The following TMTC1 variants were observed in gnomAD, a reference collection of about 807,000 sequenced individuals.
The protein encoded by TMTC1 is protein O-mannosyl-transferase TMTC1.
A neutral mutation model predicts 104.8 loss-of-function variants in TMTC1; 73 were observed. The observed-to-expected ratio is 0.70, with a 90% confidence interval of 0.58 to 0.85. TMTC1 has a LOEUF of 0.85. TMTC1 is among the 40% of genes least tolerant of loss of function. The pLI is 0.00. For synonymous variants in TMTC1, 434 were observed against 428.7 expected (o/e 1.01, Z -0.15); for missense variants, 1,035 against 1,096.1 (o/e 0.94, Z 0.79).
At chr12:29,740,766 C>T (rs1942804230) in intron 5 of TMTC1, among the ~76,000 whole-genome samples, 1 of 151,984 alleles carries the variant, frequency 6.6e-6, no homozygotes, top group Non-Finnish European at 1.5e-5. Flanking sequence ...GCCACTATGC[C>T]CGGCCCAAGT....
chr12:29,752,540 C>T (rs144255751), intron 4 of TMTC1, among the ~76,000 whole-genome samples: 38 of 152,216 alleles, frequency 2.5e-4, no homozygotes, highest in African/African-American at 9.2e-4. Flanking sequence ...CACGTATTTG[C>T]ACAAGAATAT....
At chr12:29,738,861 C>G (rs1942751727) in intron 5 of TMTC1, among the ~76,000 whole-genome samples, 1 of 152,112 alleles carries the variant, frequency 6.6e-6, no homozygotes, top group Non-Finnish European at 1.5e-5. Context: ...CAAATGCACT[C>G]AAGGCTCCTG....
rs991830840 is a variant in TMTC1 at position 29,506,000 on chromosome 12, T to A, written c.*846A>T. On this transcript the variant is annotated 3_prime_UTR_variant, in exon 18 of 18. Transcript: ENST00000539277. ...CATTTCTCTTAGTTAATATCTTTAATTTTTTATGTAGAATATACTATTTTT... is the reference window on the plus strand; with the variant it reads ...CATTTCTCTTAGTTAATATCTTTAAATTTTTATGTAGAATATACTATTTTT... 16 of 152,148 alleles carry A rather than the reference T, an allele frequency of 1.1e-4. No homozygotes were observed. The highest frequency in any genetic ancestry group is 2.1e-4 in the South Asian group (1 of 4,832). The allele number at this position is 152,148 out of a possible 1,614,324, so 9.4% of individuals were successfully genotyped here.
chr12:29,765,380 C>T (rs1268693973), intron 2 of TMTC1, among the ~76,000 whole-genome samples: 3 of 152,128 alleles, frequency 2.0e-5, no homozygotes, highest in Non-Finnish European at 4.4e-5. Flanking sequence ...TTTACCTAAA[C>T]ATGAATAGGC....
chr12:29,750,182 TC>T (rs2136967843), intron 5 of TMTC1, among the ~76,000 whole-genome samples: 1 of 150,846 alleles, frequency 6.6e-6, no homozygotes, highest in East Asian at 2.0e-4. Flanking sequence ...CCCTGCCCCC[TC>T]CTTGCCCTCA....
intron 6 of TMTC1, among the ~76,000 whole-genome samples, chr12:29,614,201 C>G (rs7295284): frequency 0.25 from 37,531 of 152,088 alleles, 5,190 homozygotes; most frequent in East Asian, 0.37. Context: ...AGATTTGCTT[C>G]CATGATTGAA....
intron 12 of TMTC1, among the ~76,000 whole-genome samples, chr12:29,520,284 T>G (rs1944111126): frequency 6.6e-6 from 1 of 152,222 alleles, no homozygotes; most frequent in Non-Finnish European, 1.5e-5. Flanking sequence ...AGAGGCAGGT[T>G]TTGCATCATT....
intron 1 of TMTC1, among the ~76,000 whole-genome samples, chr12:29,769,531 C>G (rs758420040): frequency 6.6e-6 from 1 of 152,182 alleles, no homozygotes; most frequent in African/African-American, 2.4e-5. Context: ...GAAACACACA[C>G]GAGGCAGCAG....
intron 2 of TMTC1, among the ~76,000 whole-genome samples, chr12:29,760,192 A>C (rs1378103367): frequency 6.6e-6 from 1 of 152,220 alleles, no homozygotes; most frequent in Non-Finnish European, 1.5e-5. Flanking sequence ...TCATTCTCAG[A>C]ACATGTCCCC....
chr12:29,520,642 AGTT>A lies in TMTC1; in HGVS notation c.1861_1863del (p.Asn621del), dbSNP rs1944124016. The A allele has an allele frequency of 1.9e-6, 3 of 1,613,500 alleles. No homozygotes were observed. Among genetic ancestry groups the A allele is most frequent in the Non-Finnish European group, 1.7e-6 (2 of 1,179,802 alleles). On this transcript the variant is annotated inframe_deletion, in exon 12 of 18. Coordinates refer to ENST00000539277, the MANE Select transcript of TMTC1 (RefSeq NM_001193451.2). Reference sequence around the variant, plus strand: ...CCAGTATCAACTAAGAAAACCCCATAGTTGTTGTGTAAATCTGAGCTGTCTGGA... The same window carrying A: ...CCAGTATCAACTAAGAAAACCCCATAGTTGTGTAAATCTGAGCTGTCTGGA...
chr12:29,776,557 A>T (rs1943712637), intron 1 of TMTC1, among the ~76,000 whole-genome samples: 1 of 152,230 alleles, frequency 6.6e-6, no homozygotes, highest in South Asian at 2.1e-4. Flanking sequence ...TTCTTTAAAA[A>T]ATTAATTCAT....
At chr12:29,580,703 C>T (rs748650481) in intron 8 of TMTC1, among the ~76,000 whole-genome samples, 16 of 152,272 alleles carry the variant, frequency 1.1e-4, no homozygotes, top group Admixed American at 2.0e-4. Context: ...TGGGCCATTA[C>T]GGCTAATTTA....
intron 5 of TMTC1, among the ~76,000 whole-genome samples, chr12:29,736,983 C>T (rs2136931974): frequency 6.6e-6 from 1 of 152,334 alleles, no homozygotes; most frequent in South Asian, 2.1e-4. Flanking sequence ...TAATCAGGAG[C>T]CCAGGATTGC....
chr12:29,686,332 G>A (rs1164110415), intron 5 of TMTC1, among the ~76,000 whole-genome samples: 1 of 152,112 alleles, frequency 6.6e-6, no homozygotes, highest in Non-Finnish European at 1.5e-5. Context: ...ATCCATAAAT[G>A]ATCTCATTCA....
At chr12:29,632,626 C>T (rs1938354835) in intron 6 of TMTC1, among the ~76,000 whole-genome samples, 2 of 152,164 alleles carry the variant, frequency 1.3e-5, no homozygotes, top group South Asian at 4.1e-4. Flanking sequence ...AAACCTCTTT[C>T]ATTTATAAAT....
intron 5 of TMTC1, among the ~76,000 whole-genome samples, chr12:29,732,818 C>T (rs561332598): frequency 1.3e-5 from 2 of 152,194 alleles, no homozygotes; most frequent in South Asian, 4.2e-4. Context: ...AGGGAGGAGG[C>T]CACTCCCCAC....
intron 6 of TMTC1, among the ~76,000 whole-genome samples, chr12:29,605,493 C>A (rs981836166): frequency 7.0e-6 from 1 of 143,498 alleles, no homozygotes; most frequent in African/African-American, 2.6e-5. Flanking sequence ...CCTAAAGGAA[C>A]CAGAATTTAA....
chr12:29,743,809 G>GA (rs1344514603), intron 5 of TMTC1, among the ~76,000 whole-genome samples: 8 of 152,078 alleles, frequency 5.3e-5, no homozygotes, highest in Non-Finnish European at 7.4e-5. Flanking sequence ...AAGAGAAAGA[G>GA]AAAAAAATTA....
chr12:29,772,113 A>C (rs1272368300), intron 1 of TMTC1, among the ~76,000 whole-genome samples: 1 of 152,208 alleles, frequency 6.6e-6, no homozygotes, highest in East Asian at 1.9e-4. Context: ...TTTAGCCTGC[A>C]GGTTGTTCTG....
Sources: allele counts gnomAD v4.1 joint callset (sites outside exome capture counted in the v4.1 genomes callset), GRCh38; gene constraint gnomAD v4.1.1; transcripts MANE v1.5; gene names NCBI Gene and HGNC (gene_info 2026-07-23, HGNC 2026-07-21).